AGMO: variants seen among roughly 807,000 people sequenced by gnomAD.
AGMO encodes alkylglycerol monooxygenase, also known as glyceryl-ether monooxygenase.
AGMO carries 75 observed loss-of-function variants against 60.2 expected under a neutral mutation model. The observed-to-expected ratio is 1.25, with a 90% confidence interval of 1.03 to 1.51. The LOEUF (loss-of-function observed/expected upper bound fraction) is 1.51. Among genes scored for constraint, AGMO ranks in the 40% most tolerant of loss-of-function variants. The probability of loss-of-function intolerance (pLI) is 0.00; values close to 1 mark genes in which losing one functional copy is unlikely to be tolerated. For missense variants in AGMO, 763 were observed against 525.5 expected, an observed-to-expected ratio of 1.45 and a Z score of -4.42; for synonymous variants, 261 against 177.1, an observed-to-expected ratio of 1.47 and a Z score of -3.76.
chr7:15,485,466 T>C (rs916387842), intron 3 of AGMO, among the ~76,000 whole-genome samples: 2 of 152,200 alleles, frequency 1.3e-5, no homozygotes, highest in African/African-American at 2.4e-5. Context: ...TCTGTAGTCA[T>C]GTCATAAGCT....
chr7:15,531,721 G>C (rs10232565), intron 3 of AGMO, among the ~76,000 whole-genome samples: 109,148 of 144,658 alleles, frequency 0.75, 41,613 homozygotes, highest in East Asian at 0.96. Context: ...TACAATCTAG[G>C]CTCATCGCAC....
chr7:15,442,796 A>T (rs576232921), intron 3 of AGMO, among the ~76,000 whole-genome samples: 1 of 152,238 alleles, frequency 6.6e-6, no homozygotes, highest in African/African-American at 2.4e-5. Context: ...TGCCTAAAAA[A>T]ACCTGAGAAC....
intron 12 of AGMO, among the ~76,000 whole-genome samples, chr7:15,221,134 T>C (rs1781908123): frequency 6.6e-6 from 1 of 152,140 alleles, no homozygotes; most frequent in African/African-American, 2.4e-5. Flanking sequence ...GCCTCCTTGG[T>C]AGTGGGCTCA....
At chr7:15,534,877 G>A (rs1017827760) in intron 3 of AGMO, among the ~76,000 whole-genome samples, 2 of 151,652 alleles carry the variant, frequency 1.3e-5, no homozygotes, top group Admixed American at 6.6e-5. Flanking sequence ...ATATTATTTA[G>A]AGAAAACATA....
chr7:15,250,185 T>C (rs1782889442), intron 12 of AGMO, among the ~76,000 whole-genome samples: 1 of 152,190 alleles, frequency 6.6e-6, no homozygotes, highest in South Asian at 2.1e-4. Context: ...AGTTGATCCC[T>C]ATAAATGAAG....
At position 15,366,183 on chromosome 7, in the gene AGMO, T is replaced by C. The variant is rs776818252; in HGVS notation, c.1114A>G (p.Ile372Val). 49 of 1,609,338 alleles carry C rather than the reference T, an allele frequency of 3.0e-5. 1 individual carries two copies. The South Asian group carries it at 3.2e-4, about 11-fold the overall frequency. Residue 372 changes from isoleucine to valine, a missense_variant, in exon 11 of 13, where the codon ATT becomes GTT. By Grantham distance (29) the Ile-to-Val change is conservative (BLOSUM62 3). Transcript: ENST00000342526. ...CCAATGGAAGTCAAGGTCAGGATAA[T>C]GAAGCAAACCCTCAGAAGGAGAGTA... ...QVTLLLRVCF[I>V]ILTLTSIGFL...
At chr7:15,395,534 G>A (rs1784338279) in intron 5 of AGMO, among the ~76,000 whole-genome samples, 1 of 152,070 alleles carries the variant, frequency 6.6e-6, no homozygotes, top group Non-Finnish European at 1.5e-5. Context: ...AAATGCATTT[G>A]TTTAGCGTTG....
chr7:15,435,939 A>C lies in AGMO; in HGVS notation c.410-4831T>G, dbSNP rs545610176. Among the ~76,000 whole-genome samples, 10 of 152,318 alleles carry C rather than the reference A, an allele frequency of 6.6e-5. No homozygotes were observed. The South Asian group carries it at 1.9e-3, about 28-fold the overall frequency. ...ATCCTGTATGTTAATTCAAGACATA[A>C]AGACAAGTCTACAAGAAATTTTCAC... On this transcript the variant is annotated intron_variant, in intron 3 of 12. Coordinates refer to ENST00000342526, the MANE Select transcript of AGMO (RefSeq NM_001004320.2).
intron 12 of AGMO, among the ~76,000 whole-genome samples, chr7:15,269,040 AGAT>A (rs1783518537): frequency 6.6e-6 from 1 of 152,114 alleles, no homozygotes; most frequent in South Asian, 2.1e-4. Flanking sequence ...ATAAAGGAAC[AGAT>A]AATAAAGAAT....
At chr7:15,402,122 G>A (rs1426238674) in intron 5 of AGMO, among the ~76,000 whole-genome samples, 1 of 152,064 alleles carries the variant, frequency 6.6e-6, no homozygotes, top group Non-Finnish European at 1.5e-5. Context: ...TGCTTAAAAT[G>A]AAGTTTGAAA....
chr7:15,394,015 G>A (rs1784261351), intron 6 of AGMO, 98 bp downstream of exon 6: 4 of 861,322 alleles, frequency 4.6e-6, no homozygotes, highest in Non-Finnish European at 7.5e-6. Context: ...AATGTGTGCT[G>A]ACTATATTGG....
the AGMO span, among the ~76,000 whole-genome samples, chr7:15,183,496 T>C: frequency 6.6e-6 from 1 of 152,206 alleles, no homozygotes; most frequent in Non-Finnish European, 1.5e-5. Context: ...ATCAACCGCA[T>C]CCTCACTTAA....
In AGMO at chr7:15,227,008, A is replaced by G. The variant is rs572664471; in HGVS notation, c.1264-25649T>C. 4.6e-5 allele frequency among the ~76,000 whole-genome samples: 7 copies of G among 152,194 alleles called. No homozygotes were observed. The South Asian group carries it at 1.2e-3, about 27-fold the overall frequency. On this transcript the variant is annotated intron_variant, in intron 12 of 12. Transcript: ENST00000342526. ...AAGAATGTTGCGTTATTTCCTGAGT[A>G]ATTACTTGAAAAATCCAGACAAACG...
At chr7:15,254,711 G>C (rs1375147990) in intron 12 of AGMO, among the ~76,000 whole-genome samples, 1 of 149,034 alleles carries the variant, frequency 6.7e-6, no homozygotes, top group Non-Finnish European at 1.5e-5. Context: ...CATTTTAAAA[G>C]ATAAAGAAAA....
the AGMO span, among the ~76,000 whole-genome samples, chr7:15,127,430 C>A: frequency 6.6e-6 from 1 of 151,908 alleles, no homozygotes; most frequent in Admixed American, 6.6e-5. Flanking sequence ...GTAAATAAAT[C>A]TTCAGAAAAA....
chr7:15,453,454 C>T (rs1354062727), intron 3 of AGMO, among the ~76,000 whole-genome samples: 2 of 152,136 alleles, frequency 1.3e-5, no homozygotes, highest in Non-Finnish European at 2.9e-5. Flanking sequence ...TGTAACAGAA[C>T]ACCGTACAAG....
rs150349827 is a variant in AGMO, at chr7:15,471,073, G to C, written c.410-39965C>G. 1.8e-3 allele frequency among the ~76,000 whole-genome samples: 275 copies of C among 151,960 alleles called. 2 individuals carry two copies. The highest frequency in any genetic ancestry group is 6.3e-3 in the African/African-American group (263 of 41,504). The stretch of plus-strand genomic sequence containing the variant: ...ATTGCAACTCCAGCACATTAAAATG[G>C]ACAAATTTTCCTAAGTGGTTTATTT... On this transcript the variant is annotated intron_variant, in intron 3 of 12. Transcript: ENST00000342526.
chr7:15,455,081 T>TCACACA (rs34074240), intron 3 of AGMO, among the ~76,000 whole-genome samples: 114 of 146,216 alleles, frequency 7.8e-4, no homozygotes, highest in Non-Finnish European at 1.4e-3. Context: ...TCTCTCTTTC[T>TCACACA]CACACACACA....
intron 3 of AGMO, among the ~76,000 whole-genome samples, chr7:15,532,472 A>C (rs572229845): frequency 6.6e-6 from 1 of 152,254 alleles, no homozygotes; most frequent in African/African-American, 2.4e-5. Flanking sequence ...TTATTGTTTT[A>C]ATTAAAGATG....
Sources: gnomAD v4.1 joint callset for allele counts (sites outside exome capture counted in the v4.1 genomes callset) on GRCh38, gnomAD v4.1.1 for gene constraint, MANE v1.5 for transcripts, NCBI Gene and HGNC (gene_info 2026-07-23, HGNC 2026-07-21) for gene names.